BANK1: variants seen among roughly 807,000 people sequenced by gnomAD.
The protein encoded by BANK1 is B cell scaffold protein with ankyrin repeats 1, also known as B-cell scaffold protein with ankyrin repeats.
Under a neutral mutation model 94.5 loss-of-function variants are expected in BANK1, and 95 were observed. That is an observed-to-expected ratio of 1.00 (90% CI 0.85 to 1.19). The LOEUF is 1.19. Ranked by LOEUF, BANK1 falls within the 50% of genes most tolerant of loss-of-function variation. The pLI is 0.00. For missense variants in BANK1, 987 were observed against 932.2 expected, an observed-to-expected ratio of 1.06 and a Z score of -0.77; for synonymous variants, 334 against 308.4, an observed-to-expected ratio of 1.08 and a Z score of -0.87.
chr4:101,800,280 T>A (rs74423783), intron 1 of BANK1, among the ~76,000 whole-genome samples: 1 of 151,662 alleles, frequency 6.6e-6, no homozygotes, highest in African/African-American at 2.4e-5. Context: ...TGAAGTATAA[T>A]TTAAAAAAAA....
At chr4:102,018,256 A>G (rs990298372) in intron 7 of BANK1, among the ~76,000 whole-genome samples, 2 of 152,228 alleles carry the variant, frequency 1.3e-5, no homozygotes, top group African/African-American at 4.8e-5. Context: ...GGTAATACAT[A>G]GAATGTTACA....
At chr4:101,794,664 A>T (rs180969276) in intron 1 of BANK1, among the ~76,000 whole-genome samples, 2 of 152,258 alleles carry the variant, frequency 1.3e-5, no homozygotes, top group East Asian at 3.9e-4. Context: ...GAAATATCAG[A>T]TATCATATGG....
intron 2 of BANK1, among the ~76,000 whole-genome samples, chr4:101,832,109 CTT>C (rs1339572238): frequency 6.6e-6 from 1 of 152,216 alleles, no homozygotes; most frequent in Non-Finnish European, 1.5e-5. Flanking sequence ...GAGTTTGTCT[CTT>C]GTCTTACACT....
At chr4:101,973,520 T>C (rs944511969) in intron 7 of BANK1, among the ~76,000 whole-genome samples, 6 of 152,090 alleles carry the variant, frequency 3.9e-5, no homozygotes, top group African/African-American at 1.4e-4. Flanking sequence ...GTCACTAAAC[T>C]TTCCTGCCTG....
At chr4:102,063,172 A>AGAG in intron 13 of BANK1, 34 bp downstream of exon 13, 1 of 1,570,616 alleles carries the variant, frequency 6.4e-7, no homozygotes, top group East Asian at 2.2e-5. Context: ...CAAAAATAAT[A>AGAG]GAGTGATTAC....
chr4:102,063,137 T>C lies in BANK1; in HGVS notation c.2211T>C (p.Tyr737=), dbSNP rs527371510. 9.9e-6 allele frequency: 16 copies of C among 1,611,140 alleles called. No individual in the cohort carries two copies. Among genetic ancestry groups the C allele is most frequent in the Admixed American group, 5.0e-5 (3 of 59,964 alleles). The stretch of plus-strand genomic sequence containing the variant: ...AAAGGCCAGAAGAAGAAAATGTCTA[T>C]AGTAAGTAAGATTCGCCTGCTATTC... ...IGKRPEEENV[Y]NKLTIVHHPG... is the part of the protein sequence containing the mutation. Residue 737 remains tyrosine, a splice_region_variant and synonymous_variant, in exon 13 of 17, where the codon TAT becomes TAC. Coordinates refer to ENST00000322953, the MANE Select transcript of BANK1 (RefSeq NM_017935.5).
chr4:101,848,324 C>A (rs771342128), intron 2 of BANK1, among the ~76,000 whole-genome samples: 1 of 152,144 alleles, frequency 6.6e-6, no homozygotes, highest in Non-Finnish European at 1.5e-5. Context: ...CAATGCGAGC[C>A]CCCGCTTGCT....
At chr4:101,924,922 C>G (rs151226976) in intron 7 of BANK1, among the ~76,000 whole-genome samples, 1 of 151,644 alleles carries the variant, frequency 6.6e-6, no homozygotes, top group Non-Finnish European at 1.5e-5. Context: ...ATTCCAAGAT[C>G]TATTAACTCC....
At chr4:102,051,241 AG>A (rs1367766761) in intron 11 of BANK1, among the ~76,000 whole-genome samples, 4 of 152,202 alleles carry the variant, frequency 2.6e-5, no homozygotes, top group African/African-American at 7.2e-5. Flanking sequence ...AACAGAAAAG[AG>A]GGAAAATTGT....
chr4:101,863,087 G>C (rs1460574150), intron 4 of BANK1, among the ~76,000 whole-genome samples: 2 of 151,010 alleles, frequency 1.3e-5, no homozygotes, highest in East Asian at 3.9e-4. Context: ...TTGTTACTCT[G>C]AAAAGCATTT....
chr4:102,022,124 G>A (rs537494370), intron 8 of BANK1, among the ~76,000 whole-genome samples: 23 of 151,812 alleles, frequency 1.5e-4, no homozygotes, highest in Middle Eastern at 3.4e-3. Context: ...ATATATACGC[G>A]TTTATATGTG....
At chr4:101,818,226 A>G (rs1221932144) in intron 1 of BANK1, among the ~76,000 whole-genome samples, 3 of 152,176 alleles carry the variant, frequency 2.0e-5, no homozygotes, top group Non-Finnish European at 4.4e-5. Context: ...GTTTCTACCA[A>G]GTGACTGCAA....
At chr4:101,994,306 T>C (rs1048490546) in intron 7 of BANK1, among the ~76,000 whole-genome samples, 1 of 152,178 alleles carries the variant, frequency 6.6e-6, no homozygotes, top group Admixed American at 6.5e-5. Context: ...GCTACAGAAA[T>C]GCTTATTGTA....
intron 7 of BANK1, among the ~76,000 whole-genome samples, chr4:101,941,864 C>T (rs1723755899): frequency 6.6e-6 from 1 of 151,868 alleles, no homozygotes; most frequent in African/African-American, 2.4e-5. Flanking sequence ...TCACCATTGA[C>T]TTTCCTCTTC....
At chr4:101,873,011 AG>A (rs1728352424) in intron 5 of BANK1, among the ~76,000 whole-genome samples, 1 of 151,816 alleles carries the variant, frequency 6.6e-6, no homozygotes, top group Non-Finnish European at 1.5e-5. Flanking sequence ...AAAAAAAAAA[AG>A]AAAAGTAAAA....
intron 5 of BANK1, among the ~76,000 whole-genome samples, chr4:101,882,280 C>T (rs905555434): frequency 6.6e-6 from 1 of 151,978 alleles, no homozygotes; most frequent in African/African-American, 2.4e-5. Flanking sequence ...GAAAGCTGCC[C>T]TCTTAAAATA....
At chr4:101,944,298 T>C (rs1560645564) in intron 7 of BANK1, among the ~76,000 whole-genome samples, 1 of 151,944 alleles carries the variant, frequency 6.6e-6, no homozygotes, top group East Asian at 2.0e-4. Flanking sequence ...TAGTGAATAA[T>C]AAAACATTCT....
chr4:101,894,471 T>TC (rs984124656), intron 5 of BANK1, among the ~76,000 whole-genome samples: 1 of 151,690 alleles, frequency 6.6e-6, no homozygotes, highest in African/African-American at 2.4e-5. Flanking sequence ...AATATCTTTT[T>TC]TTCAGTACAG....
At chr4:102,052,517 A>G (rs939309406) in intron 11 of BANK1, among the ~76,000 whole-genome samples, 7 of 152,164 alleles carry the variant, frequency 4.6e-5, no homozygotes, top group African/African-American at 1.7e-4. Context: ...CAGAATAATT[A>G]TACTTCTGTT....
Sources: allele counts gnomAD v4.1 joint callset (sites outside exome capture counted in the v4.1 genomes callset), GRCh38; gene constraint gnomAD v4.1.1; transcripts MANE v1.5; gene names NCBI Gene and HGNC (gene_info 2026-07-23, HGNC 2026-07-21).